The following GYG1 variants were observed in gnomAD, a reference collection of about 807,000 sequenced individuals.
GYG1 encodes the protein glycogenin 1, also known as glycogenin-1.
A neutral mutation model predicts 41.9 loss-of-function variants in GYG1; 44 were observed. The observed-to-expected ratio is 1.05, with a 90% CI of 0.83 to 1.35. The LOEUF is 1.35. Ranked by LOEUF, GYG1 falls within the 40% of genes most tolerant of loss-of-function variation. The probability of loss-of-function intolerance (pLI) is 0.00; values close to 1 mark genes in which losing one functional copy is unlikely to be tolerated. For synonymous variants in GYG1, 141 were observed against 158.1 expected (o/e 0.89, Z 0.81); for missense variants, 429 against 418.9 (o/e 1.02, Z -0.21).
At chr3:149,026,538 G>C in intron 7 of GYG1, 36 bp downstream of exon 7, 1 of 1,360,552 alleles carries the variant, frequency 7.3e-7, no homozygotes, top group Non-Finnish European at 1.1e-6. Flanking sequence ...TAATTACTTT[G>C]TTCTCCCAAT....
intron 4 of GYG1, among the ~76,000 whole-genome samples, chr3:149,006,715 C>G (rs918724796): frequency 5.3e-5 from 8 of 152,256 alleles, no homozygotes; most frequent in Non-Finnish European, 1.2e-4. Flanking sequence ...GCCTTTTTTT[C>G]TGTTCCCATG....
At position 149,002,779 on chromosome 3, in the gene GYG1, G is replaced by A. The variant is rs149091092; in HGVS notation, c.481+5875G>A. 2.6e-4 allele frequency among the ~76,000 whole-genome samples: 39 copies of A among 152,268 alleles called. 1 individual carries two copies. The East Asian group carries it at 3.9e-3, about 15-fold the overall frequency. On this transcript the variant is annotated intron_variant, in intron 4 of 7. Transcript: ENST00000345003. Reference sequence around the variant, plus strand: ...CTCACACCTGTAATTCCAACACTTCGGAAGGCCAAGGCAGGTGGATCACTT... The same window carrying A: ...CTCACACCTGTAATTCCAACACTTCAGAAGGCCAAGGCAGGTGGATCACTT...
In GYG1 at chr3:149,030,228, A is replaced by AAGTT. The variant is rs1298601618; in HGVS notation, c.*3297_*3300dup. 6.6e-6 allele frequency: 1 copy of AAGTT among 152,154 alleles called. No individual in the cohort carries two copies. The highest frequency in any genetic ancestry group is 1.5e-5 in the Non-Finnish European group (1 of 68,018). 9.4% of individuals were successfully genotyped at this position (152,154 alleles called of 1,614,324 possible). On this transcript the variant is annotated 3_prime_UTR_variant, in exon 8 of 8. Transcript: ENST00000345003. ...ATACAATGTCTTCAATATTTTTCTA[A>AAGTT]AGTTATTTTTCTATATAATAATAAG... is the stretch of plus-strand genomic sequence containing the variant.
Position 149,009,021 on chromosome 3 carries a change from T to G in GYG1, c.482-255T>G, listed in dbSNP as rs1030259192. 9 of 400,134 alleles carry G rather than the reference T, an allele frequency of 2.2e-5. No individual in the cohort carries two copies. In the East Asian group the frequency reaches 4.3e-4, roughly 19 times the overall value. 24.8% of individuals were successfully genotyped at this position (400,134 alleles called of 1,614,324 possible). A position where few individuals can be genotyped will look rare whatever the true frequency, so the allele number is the denominator to read the frequency against. On this transcript the variant is annotated intron_variant, in intron 4 of 7. Coordinates refer to ENST00000345003, the MANE Select transcript of GYG1 (RefSeq NM_004130.4). The stretch of plus-strand genomic sequence containing the variant: ...AAAAATAACAAAAAATTGCCTGACG[T>G]GGTGGCATGCACCTGTAGTCCCAGC...
chr3:148,997,054 TTGTGTGTGTGTG>T (rs10571382), intron 4 of GYG1, 150 bp downstream of exon 4: 8 of 606,748 alleles, frequency 1.3e-5, no homozygotes, highest in Admixed American at 5.1e-5. Context: ...CTGGGAAATA[TTGTGTGTGTGTG>T]TGTGTGTGTG....
chr3:149,014,188 T>C (rs1713891570), intron 5 of GYG1, among the ~76,000 whole-genome samples: 2 of 152,126 alleles, frequency 1.3e-5, no homozygotes, highest in African/African-American at 4.8e-5. Context: ...TGATGCCTCT[T>C]GGGGCCCCAT....
At chr3:149,016,426 ATGC>A (rs1465278813) in intron 5 of GYG1, among the ~76,000 whole-genome samples, 1 of 152,150 alleles carries the variant, frequency 6.6e-6, no homozygotes, top group Non-Finnish European at 1.5e-5. Flanking sequence ...TAAGAATGAC[ATGC>A]TGCCTCCAGG....
intron 5 of GYG1, among the ~76,000 whole-genome samples, chr3:149,018,614 C>G (rs1421930820): frequency 6.6e-6 from 1 of 152,146 alleles, no homozygotes; most frequent in Non-Finnish European, 1.5e-5. Context: ...CTGCCCTCTT[C>G]CCACCCCCAA....
chr3:149,017,581 G>GT (rs1559842358), intron 5 of GYG1, among the ~76,000 whole-genome samples: 1 of 73,466 alleles, frequency 1.4e-5, no homozygotes, highest in African/African-American at 5.0e-5. Flanking sequence ...CTTTTATTTA[G>GT]GTTTTTTTTT....
In GYG1 at chr3:149,028,217, C is replaced by T. The variant is rs915753350; in HGVS notation, c.*1284C>T. The stretch of plus-strand genomic sequence containing the variant: ...TTGTGACTTAGCCTTCAAAGTCACC[C>T]TCCTTATTCATATTGATGTGAATTA... On this transcript the variant is annotated 3_prime_UTR_variant, in exon 8 of 8. Coordinates refer to ENST00000345003, the MANE Select transcript of GYG1 (RefSeq NM_004130.4). Among the ~76,000 whole-genome samples, 1 of 152,092 alleles carries T rather than the reference C, an allele frequency of 6.6e-6. No homozygotes were observed. The highest frequency in any genetic ancestry group is 2.4e-5 in the African/African-American group (1 of 41,420).
At chr3:149,009,041 C>T in intron 4 of GYG1, 1 of 443,268 alleles carries the variant, frequency 2.3e-6, no homozygotes, top group African/African-American at 2.1e-5. Flanking sequence ...CACCTGTAGT[C>T]CCAGCTACTC....
At chr3:149,025,747 T>C (rs1427782991) in intron 6 of GYG1, among the ~76,000 whole-genome samples, 1 of 152,156 alleles carries the variant, frequency 6.6e-6, no homozygotes, top group African/African-American at 2.4e-5. Flanking sequence ...TTATGAAAAT[T>C]TGAGATGGAC....
intron 1 of GYG1, among the ~76,000 whole-genome samples, chr3:148,993,790 A>G (rs954199112): frequency 2.0e-5 from 3 of 152,230 alleles, no homozygotes; most frequent in Non-Finnish European, 4.4e-5. Context: ...AGTACCTTGT[A>G]GAAGAAACAG....
intron 1 of GYG1, among the ~76,000 whole-genome samples, 188 bp from the exon 2 acceptor site, chr3:148,993,954 A>G (rs1403428459): frequency 6.6e-6 from 1 of 152,192 alleles, no homozygotes; most frequent in East Asian, 1.9e-4. Flanking sequence ...TGTGCCTGCT[A>G]TGATCTTGAA....
At chr3:149,001,542 T>C (rs1466346254) in intron 4 of GYG1, 1 of 152,244 alleles carries the variant, frequency 6.6e-6, no homozygotes, top group Non-Finnish European at 1.5e-5. Context: ...TGCAGGCTTG[T>C]ATGCTGGTCA....
In GYG1 at chr3:149,016,753, C is replaced by T. The variant is rs1413126908; in HGVS notation, c.609-7300C>T. ...CCTCCTCTCCATGATCAGGCCCACT[C>T]CTTGGTTACTTGGGTTTGTGACTCC... On this transcript the variant is annotated intron_variant, in intron 5 of 7. Transcript: ENST00000345003. Among the ~76,000 whole-genome samples, 4 of 152,146 alleles carry T rather than the reference C, an allele frequency of 2.6e-5. No individual in the cohort carries two copies. The East Asian group carries it at 7.7e-4, about 29-fold the overall frequency.
rs1714800316 is a variant in GYG1 at position 149,028,935 on chromosome 3, T to G, written c.*2002T>G. 6.6e-6 allele frequency among the ~76,000 whole-genome samples: 1 copy of G among 152,166 alleles called. No homozygotes were observed. Among genetic ancestry groups the G allele is most frequent in the East Asian group, 1.9e-4 (1 of 5,182 alleles). On this transcript the variant is annotated 3_prime_UTR_variant, in exon 8 of 8. Transcript: ENST00000345003. ...AGGTTTCACCATGTTGCCAGGATGG[T>G]CTCAATCTCTTGACCTCGTGATCCA...
chr3:148,997,442 G>A (rs1165202780), intron 4 of GYG1, among the ~76,000 whole-genome samples: 1 of 152,090 alleles, frequency 6.6e-6, no homozygotes, highest in Non-Finnish European at 1.5e-5. Flanking sequence ...AGTATCTGCA[G>A]GGCCAAAAAG....
intron 1 of GYG1, among the ~76,000 whole-genome samples, chr3:148,993,278 A>G (rs1461265401): frequency 8.8e-6 from 1 of 114,004 alleles, no homozygotes; most frequent in Non-Finnish European, 1.6e-5. Flanking sequence ...CAACTAAGTG[A>G]TTATTGGAGA....
Sources: allele counts gnomAD v4.1 joint callset (sites outside exome capture counted in the v4.1 genomes callset), GRCh38; gene constraint gnomAD v4.1.1; transcripts MANE v1.5; gene names NCBI Gene and HGNC (gene_info 2026-07-23, HGNC 2026-07-21).